Variants in EXOC4 observed in about 807,000 individuals in gnomAD.
EXOC4 encodes SEC8-like 1.
A neutral mutation model predicts 107.2 loss-of-function variants in EXOC4; 71 were observed. That is an observed-to-expected ratio of 0.66 (90% CI 0.55 to 0.81). The LOEUF is 0.81. Among genes scored for constraint, EXOC4 ranks in the 30% least tolerant of loss-of-function variants. EXOC4 has a pLI of 0.00. For synonymous variants in EXOC4, 456 were observed against 441.2 expected (o/e 1.03, Z -0.42); for missense variants, 1,108 against 1,189.6 (o/e 0.93, Z 1.01).
chr7:133,327,609 ATGT>A (rs1795279536), intron 5 of EXOC4, among the ~76,000 whole-genome samples: 1 of 152,098 alleles, frequency 6.6e-6, no homozygotes, highest in South Asian at 2.1e-4. Context: ...ACTGCTTTAA[ATGT>A]GTCCCAGAGA....
intron 9 of EXOC4, among the ~76,000 whole-genome samples, chr7:133,505,156 AGT>A (rs1355850140): frequency 1.3e-5 from 2 of 152,116 alleles, no homozygotes; most frequent in Non-Finnish European, 2.9e-5. Flanking sequence ...AGACTCGAGG[AGT>A]GTCTTGAATA....
At chr7:134,095,483 A>G in the EXOC4 span, among the ~76,000 whole-genome samples, 1 of 152,188 alleles carries the variant, frequency 6.6e-6, no homozygotes, top group Non-Finnish European at 1.5e-5. Context: ...TAAAATTCAT[A>G]TGGAACCATA....
At chr7:133,561,809 G>A (rs1353795983) in intron 9 of EXOC4, among the ~76,000 whole-genome samples, 10 of 152,172 alleles carry the variant, frequency 6.6e-5, no homozygotes, top group African/African-American at 1.4e-4. Context: ...GGGTGCGTGC[G>A]CGTGCCCCAA....
intron 7 of EXOC4, among the ~76,000 whole-genome samples, chr7:133,438,239 C>G (rs1742014564): frequency 6.6e-6 from 1 of 152,120 alleles, no homozygotes; most frequent in Non-Finnish European, 1.5e-5. Context: ...CTAATGATGT[C>G]TCATATGGTA....
At chr7:133,876,666 C>G (rs1479024045) in intron 11 of EXOC4, among the ~76,000 whole-genome samples, 1 of 152,108 alleles carries the variant, frequency 6.6e-6, no homozygotes, top group Non-Finnish European at 1.5e-5. Flanking sequence ...CTTCTCCAGG[C>G]CACCCCAGTG....
chr7:133,327,859 G>C (rs1212838645), intron 5 of EXOC4, among the ~76,000 whole-genome samples: 1 of 152,038 alleles, frequency 6.6e-6, no homozygotes. Flanking sequence ...ACTTCCAATT[G>C]TGTGGTCACT....
chr7:133,545,631 T>G (rs1800465665), intron 9 of EXOC4, among the ~76,000 whole-genome samples: 1 of 152,212 alleles, frequency 6.6e-6, no homozygotes, highest in Admixed American at 6.5e-5. Context: ...ACATTCTCTT[T>G]ATCATTCACT....
intron 7 of EXOC4, among the ~76,000 whole-genome samples, chr7:133,406,348 C>CT (rs557947595): frequency 1.8e-4 from 27 of 151,494 alleles, no homozygotes; most frequent in Non-Finnish European, 2.4e-4. Flanking sequence ...TTGAAAATCA[C>CT]TTTTTTTTTG....
At chr7:133,632,201 G>T (rs538239357) in intron 10 of EXOC4, among the ~76,000 whole-genome samples, 110 of 152,232 alleles carry the variant, frequency 7.2e-4, no homozygotes, top group Non-Finnish European at 1.0e-3. Flanking sequence ...TATAAATGCT[G>T]CTTTGCTAGA....
At chr7:133,748,573 T>C (rs112411150) in intron 10 of EXOC4, among the ~76,000 whole-genome samples, 126 of 152,302 alleles carry the variant, frequency 8.3e-4, no homozygotes, top group African/African-American at 2.9e-3. Context: ...TATGATTTAT[T>C]ACAGTGAGGT....
intron 3 of EXOC4, among the ~76,000 whole-genome samples, chr7:133,300,550 A>T (rs924728432): frequency 1.3e-5 from 2 of 152,230 alleles, no homozygotes; most frequent in African/African-American, 4.8e-5. Context: ...GTCATGCTGT[A>T]AACAAAAGTT....
At chr7:133,830,473 A>G (rs1797786421) in intron 11 of EXOC4, among the ~76,000 whole-genome samples, 1 of 152,240 alleles carries the variant, frequency 6.6e-6, no homozygotes, top group South Asian at 2.1e-4. Flanking sequence ...GTAGGCACTT[A>G]CTTGCTAAAT....
chr7:134,074,543 C>G, the EXOC4 span, among the ~76,000 whole-genome samples: 1 of 152,172 alleles, frequency 6.6e-6, no homozygotes, highest in Non-Finnish European at 1.5e-5. Flanking sequence ...GCTTCCGTCC[C>G]AACCATCTCA....
intron 7 of EXOC4, among the ~76,000 whole-genome samples, chr7:133,414,009 A>G (rs1175474752): frequency 6.6e-6 from 1 of 152,200 alleles, no homozygotes; most frequent in Non-Finnish European, 1.5e-5. Context: ...AATCTTAAAT[A>G]TAACAAAAGA....
chr7:133,520,966 G>A (rs575806731), intron 9 of EXOC4, among the ~76,000 whole-genome samples: 3 of 152,266 alleles, frequency 2.0e-5, no homozygotes, highest in African/African-American at 7.2e-5. Context: ...ATTACTGTTG[G>A]TGATGATGTA....
At chr7:133,468,361 G>T (rs13242259) in intron 7 of EXOC4, among the ~76,000 whole-genome samples, 151,554 of 152,298 alleles carry the variant, frequency 1, 75,414 homozygotes, top group East Asian at 1. Flanking sequence ...AATATTTTAG[G>T]TTATACAACG....
intron 13 of EXOC4, among the ~76,000 whole-genome samples, chr7:133,934,244 CA>C (rs778357517): frequency 2.2e-4 from 34 of 152,144 alleles, no homozygotes; most frequent in Middle Eastern, 3.2e-3. Context: ...GTTATTCTAA[CA>C]CATAAAAACC....
chr7:134,032,024 A>C (rs929419594), intron 17 of EXOC4, among the ~76,000 whole-genome samples: 1 of 152,160 alleles, frequency 6.6e-6, no homozygotes, highest in Non-Finnish European at 1.5e-5. Flanking sequence ...GCCCTTCTGG[A>C]AATACTAGCC....
At chr7:133,561,646 T>G (rs544356500) in intron 9 of EXOC4, among the ~76,000 whole-genome samples, 1 of 152,310 alleles carries the variant, frequency 6.6e-6, no homozygotes, top group Non-Finnish European at 1.5e-5. Flanking sequence ...AAAAAGAAAT[T>G]GATTCCTGGA....
Sources: allele counts gnomAD v4.1 joint callset (sites outside exome capture counted in the v4.1 genomes callset), GRCh38; gene constraint gnomAD v4.1.1; transcripts MANE v1.5; gene names NCBI Gene and HGNC (gene_info 2026-07-23, HGNC 2026-07-21).